Variants in PLCG2 observed in about 807,000 individuals in gnomAD.
PLCG2 encodes 1-phosphatidylinositol 4,5-bisphosphate phosphodiesterase gamma-2.
Under a neutral mutation model 175.6 loss-of-function variants are expected in PLCG2, and 69 were observed. The observed-to-expected ratio is 0.39, with a 90% CI of 0.32 to 0.48. The LOEUF is 0.48. PLCG2 is among the 20% of genes least tolerant of loss of function. The probability of loss-of-function intolerance (pLI) is 0.91; values close to 1 mark genes in which losing one functional copy is unlikely to be tolerated. For synonymous variants in PLCG2, 827 were observed against 624.0 expected (o/e 1.33, Z -4.85); for missense variants, 1,798 against 1,650.9 (o/e 1.09, Z -1.54).
intron 3 of PLCG2, among the ~76,000 whole-genome samples, chr16:81,856,740 C>T (rs2143482153): frequency 6.6e-6 from 1 of 152,292 alleles, no homozygotes; most frequent in South Asian, 2.1e-4. Flanking sequence ...ATCCCGGGAA[C>T]TTGTGAATAT....
At chr16:81,949,821 A>G (rs1401058205) in intron 31 of PLCG2, among the ~76,000 whole-genome samples, 1 of 152,240 alleles carries the variant, frequency 6.6e-6, no homozygotes, top group African/African-American at 2.4e-5. Flanking sequence ...TCAAGTATCA[A>G]CAAAGCAAAG....
At chr16:81,855,985 C>T (rs1031103457) in intron 3 of PLCG2, among the ~76,000 whole-genome samples, 1 of 152,228 alleles carries the variant, frequency 6.6e-6, no homozygotes, top group Non-Finnish European at 1.5e-5. Flanking sequence ...CCCTGACCCC[C>T]TGTTCTTAAT....
rs1261350296 is a variant in PLCG2 at position 81,895,787 on chromosome 16, T to A, written c.1073-20T>A. ...CAGTGAACACACGTGGTATTGAGGC[T>A]GCCGCGTTTCTCCCTGTAGTGGACT... On this transcript the variant is annotated intron_variant, in intron 12 of 32. Transcript: ENST00000564138. 1 of 1,614,016 alleles carries A rather than the reference T, an allele frequency of 6.2e-7. No homozygotes were observed. The highest frequency in any genetic ancestry group is 1.7e-5 in the Admixed American group (1 of 60,026).
At chr16:81,956,426 C>A (rs994933915) in intron 31 of PLCG2, among the ~76,000 whole-genome samples, 2 of 152,150 alleles carry the variant, frequency 1.3e-5, no homozygotes, top group South Asian at 4.1e-4. Flanking sequence ...GAAATAGGAT[C>A]TACAGGAAAT....
intron 31 of PLCG2, among the ~76,000 whole-genome samples, chr16:81,953,068 A>C (rs72829118): frequency 0.014 from 2,180 of 152,310 alleles, 21 homozygotes; most frequent in Middle Eastern, 0.041. Context: ...ATCGCCTCAA[A>C]CAAATTATAA....
chr16:81,752,348 C>G (rs1285992657), intron 1 of PLCG2, among the ~76,000 whole-genome samples: 3 of 152,208 alleles, frequency 2.0e-5, no homozygotes, highest in Admixed American at 1.3e-4. Flanking sequence ...GCCAGCTCCT[C>G]CACTCTGCCT....
chr16:81,751,267 C>A (rs566729624), intron 1 of PLCG2, among the ~76,000 whole-genome samples: 1 of 152,314 alleles, frequency 6.6e-6, no homozygotes, highest in Non-Finnish European at 1.5e-5. Context: ...AGGCATGAGC[C>A]ACTGCCTCCA....
intron 5 of PLCG2, among the ~76,000 whole-genome samples, chr16:81,868,810 T>C (rs189561944): frequency 1.3e-5 from 2 of 152,406 alleles, no homozygotes; most frequent in African/African-American, 4.8e-5. Context: ...TGACCATTCC[T>C]GAAGGGTGGA....
At chr16:81,814,899 A>G (rs1045467446) in intron 2 of PLCG2, among the ~76,000 whole-genome samples, 6 of 152,132 alleles carry the variant, frequency 3.9e-5, no homozygotes, top group African/African-American at 1.2e-4. Flanking sequence ...AAATGAGCCA[A>G]TACACATTAG....
At chr16:81,778,042 AC>A (rs1567457770), upstream of PLCG2, among the ~76,000 whole-genome samples, 90 of 101,044 alleles carry the variant, frequency 8.9e-4, no homozygotes, top group African/African-American at 3.9e-3. Flanking sequence ...CAAAAAAAAA[AC>A]AAAAAAAAAA....
chr16:81,924,855 C>G (rs1210376385), intron 22 of PLCG2, among the ~76,000 whole-genome samples: 1 of 152,244 alleles, frequency 6.6e-6, no homozygotes, highest in Non-Finnish European at 1.5e-5. Context: ...AGTTGGGCAA[C>G]CACAGTGTTG....
rs1157731599 is a variant in PLCG2, at chr16:81,802,093, C to CTTTTTTTTTTTTTTTTTTTTTTTT, written c.193+15926_193+15949dup. 1.7e-4 allele frequency among the ~76,000 whole-genome samples: 7 copies of CTTTTTTTTTTTTTTTTTTTTTTTT among 40,016 alleles called. 2 individuals carry two copies. Among genetic ancestry groups the CTTTTTTTTTTTTTTTTTTTTTTTT allele is most frequent in the Non-Finnish European group, 2.6e-4 (6 of 22,662 alleles). 26.3% of individuals were successfully genotyped at this position (40,016 alleles called of 152,430 possible). ...GTTAGCTCCTTCAGGTGAGTACAGT[C>CTTTTTTTTTTTTTTTTTTTTTTTT]TTTTTTTTTTTTTTTTTTTTTTTTT... On this transcript the variant is annotated intron_variant, in intron 2 of 32. Transcript: ENST00000564138.
chr16:81,853,741 A>C (rs1335520292), intron 2 of PLCG2, among the ~76,000 whole-genome samples: 1 of 152,086 alleles, frequency 6.6e-6, no homozygotes, highest in East Asian at 1.9e-4. Context: ...CACAGAGACA[A>C]CCTGGATTGA....
intron 31 of PLCG2, among the ~76,000 whole-genome samples, chr16:81,955,137 G>A (rs1911517379): frequency 6.6e-6 from 1 of 152,144 alleles, no homozygotes; most frequent in Non-Finnish European, 1.5e-5. Context: ...TTTTACCTCT[G>A]CTTACTCTTC....
intron 2 of PLCG2, among the ~76,000 whole-genome samples, chr16:81,770,838 C>T (rs182057719): frequency 3.3e-5 from 5 of 152,192 alleles, no homozygotes; most frequent in East Asian, 1.9e-4. Context: ...GCGGGCGGAT[C>T]GTGAGGTCAG....
chr16:81,771,488 T>G (rs1344337133), intron 2 of PLCG2, among the ~76,000 whole-genome samples: 1 of 152,218 alleles, frequency 6.6e-6, no homozygotes, highest in African/African-American at 2.4e-5. Context: ...GTTCTGAGGT[T>G]ACCTCCTCTG....
At chr16:81,747,607 G>A (rs1470375344) in intron 1 of PLCG2, among the ~76,000 whole-genome samples, 1 of 152,166 alleles carries the variant, frequency 6.6e-6, no homozygotes, top group East Asian at 1.9e-4. Flanking sequence ...CACATCTGTG[G>A]ATAGAGGATG....
chr16:81,778,043 CA>C (rs1243068088), upstream of PLCG2, among the ~76,000 whole-genome samples: 3,358 of 59,832 alleles, frequency 0.056, 313 homozygotes, highest in Middle Eastern at 0.088. Flanking sequence ...AAAAAAAAAA[CA>C]AAAAAAAAAA....
chr16:81,807,534 A>G (rs1290180551), intron 2 of PLCG2, among the ~76,000 whole-genome samples: 1 of 152,198 alleles, frequency 6.6e-6, no homozygotes, highest in Admixed American at 6.5e-5. Flanking sequence ...TTTATGTAGT[A>G]TATGTTTATG....
Sources: gnomAD v4.1 joint callset for allele counts (sites outside exome capture counted in the v4.1 genomes callset) on GRCh38, gnomAD v4.1.1 for gene constraint, MANE v1.5 for transcripts, NCBI Gene and HGNC (gene_info 2026-07-23, HGNC 2026-07-21) for gene names.